The following GREB1L variants were observed in gnomAD, a reference collection of about 807,000 sequenced individuals.
GREB1L encodes GREB1-like protein.
In GREB1L, 17 loss-of-function variants were observed where a neutral mutation model predicts 200.8. That is an observed-to-expected ratio of 0.08 (90% CI 0.06 to 0.13). The LOEUF is 0.13. Among genes scored for constraint, GREB1L ranks in the 10% least tolerant of loss-of-function variants. The pLI is 1.00. For missense variants in GREB1L, 1,657 were observed against 2,367.7 expected (o/e 0.70, Z 6.23); for synonymous variants, 789 against 893.0 (o/e 0.88, Z 2.08).
intron 1 of GREB1L, among the ~76,000 whole-genome samples, chr18:21,338,730 C>T (rs2145123697): frequency 6.6e-6 from 1 of 152,330 alleles, no homozygotes; most frequent in Middle Eastern, 3.4e-3. Context: ...AGTTGTTTTT[C>T]AACTTAAGCC....
At chr18:21,521,029 C>T (rs1321037237) in intron 32 of GREB1L, among the ~76,000 whole-genome samples, 2 of 152,006 alleles carry the variant, frequency 1.3e-5, no homozygotes, top group African/African-American at 4.8e-5. Flanking sequence ...ACCGTCTCTA[C>T]TAAAAAATAC....
intron 1 of GREB1L, among the ~76,000 whole-genome samples, chr18:21,358,528 T>G (rs149483876): frequency 0.013 from 2,054 of 152,246 alleles, 22 homozygotes; most frequent in South Asian, 0.025. Context: ...TGTTAGCCAG[T>G]ATGGTCTTGA....
intron 1 of GREB1L, among the ~76,000 whole-genome samples, chr18:21,356,590 T>C (rs762193940): frequency 1.3e-5 from 2 of 152,208 alleles, no homozygotes; most frequent in Non-Finnish European, 2.9e-5. Flanking sequence ...ACACTTAAGT[T>C]GATTTCATAA....
intron 1 of GREB1L, among the ~76,000 whole-genome samples, chr18:21,333,092 A>G (rs544096182): frequency 9.7e-4 from 147 of 151,126 alleles, no homozygotes; most frequent in South Asian, 1.7e-3. Flanking sequence ...ATACACACAC[A>G]CGCGCGCGCG....
intron 1 of GREB1L, among the ~76,000 whole-genome samples, chr18:21,268,429 C>G (rs2038007387): frequency 6.7e-6 from 1 of 149,042 alleles, no homozygotes; most frequent in Non-Finnish European, 1.5e-5. Context: ...CCCTGTTCCT[C>G]TACAAAGTCA....
In GREB1L at chr18:21,403,927, A is replaced by G. The variant is rs373691186; in HGVS notation, c.765A>G (p.Ser255=). ...GCCACTCTATTAAGCCAAGCTCTTCAGTGTCGTCAACTGTGACCCCAGAAA... is the reference window on the plus strand; with the variant it reads ...GCCACTCTATTAAGCCAAGCTCTTCGGTGTCGTCAACTGTGACCCCAGAAA... ...ASCHSIKPSS[S]VSSTVTPENG... Residue 255 remains serine, a synonymous_variant, in exon 7 of 33, where the codon TCA becomes TCG. Coordinates refer to ENST00000424526, the MANE Select transcript of GREB1L (RefSeq NM_001142966.3). The G allele has an allele frequency of 4.5e-6, 7 of 1,551,124 alleles. No homozygotes were observed. The highest frequency in any genetic ancestry group is 2.4e-5 in the East Asian group (1 of 40,902).
At chr18:21,520,617 T>C in intron 31 of GREB1L, 71 bp from the exon 32 acceptor site, 1 of 1,473,772 alleles carries the variant, frequency 6.8e-7, no homozygotes, top group Non-Finnish European at 9.3e-7. Context: ...AGGTACTGAG[T>C]CATTCTGCTG....
intron 1 of GREB1L, among the ~76,000 whole-genome samples, chr18:21,242,837 A>G (rs1463042709): frequency 6.6e-6 from 1 of 152,056 alleles, no homozygotes; most frequent in Non-Finnish European, 1.5e-5. Flanking sequence ...CCCCGAGCCC[A>G]GGGGCAGTGA....
At chr18:21,288,017 A>C (rs576685287) in intron 1 of GREB1L, among the ~76,000 whole-genome samples, 7 of 151,966 alleles carry the variant, frequency 4.6e-5, no homozygotes, top group Admixed American at 1.3e-4. Flanking sequence ...GTTGGCCAGG[A>C]TGGTCTCTAT....
At chr18:21,402,081 T>C (rs546673505) in intron 6 of GREB1L, among the ~76,000 whole-genome samples, 1 of 152,348 alleles carries the variant, frequency 6.6e-6, no homozygotes, top group East Asian at 1.9e-4. Flanking sequence ...TAGTTATCTT[T>C]GAAGTAGCAT....
intron 7 of GREB1L, among the ~76,000 whole-genome samples, chr18:21,422,224 A>G (rs553932840): frequency 6.6e-6 from 1 of 152,294 alleles, no homozygotes; most frequent in East Asian, 1.9e-4. Context: ...TCACAGCCCC[A>G]TGGTTCAAAT....
chr18:21,342,980 C>T (rs2039289998), intron 1 of GREB1L, among the ~76,000 whole-genome samples: 1 of 152,100 alleles, frequency 6.6e-6, no homozygotes, highest in Non-Finnish European at 1.5e-5. Flanking sequence ...AACCAATTGG[C>T]ATTTTACCTT....
At chr18:21,281,792 G>C (rs1381583688) in intron 1 of GREB1L, among the ~76,000 whole-genome samples, 1 of 152,156 alleles carries the variant, frequency 6.6e-6, no homozygotes, top group Non-Finnish European at 1.5e-5. Flanking sequence ...CTTCAAACTG[G>C]ATTGTGGTAA....
chr18:21,307,494 A>G (rs1055309100), intron 1 of GREB1L, among the ~76,000 whole-genome samples: 11 of 152,208 alleles, frequency 7.2e-5, no homozygotes, highest in African/African-American at 2.4e-4. Flanking sequence ...ACAGAATAAG[A>G]GTTTAAAAGT....
intron 5 of GREB1L, among the ~76,000 whole-genome samples, chr18:21,397,009 G>A (rs551355714): frequency 2.0e-5 from 3 of 152,222 alleles, no homozygotes; most frequent in Admixed American, 2.0e-4. Flanking sequence ...TGATCATGAT[G>A]TGTATTTATT....
At chr18:21,347,196 T>G (rs2039359329) in intron 1 of GREB1L, among the ~76,000 whole-genome samples, 1 of 151,572 alleles carries the variant, frequency 6.6e-6, no homozygotes, top group Admixed American at 6.6e-5. Context: ...GAGAATTGCT[T>G]GAACCCAGGA....
rs574850108 is a variant in GREB1L at position 21,451,748 on chromosome 18, G to T, written c.1850-335G>T. On this transcript the variant is annotated intron_variant, in intron 13 of 32. Coordinates refer to ENST00000424526, the MANE Select transcript of GREB1L (RefSeq NM_001142966.3). ...GCCTCAAGCAATCCTCCTGTGCCTTGGCCTTCCAAAGTGCTGGGATTACAG... is the reference window on the plus strand; with the variant it reads ...GCCTCAAGCAATCCTCCTGTGCCTTTGCCTTCCAAAGTGCTGGGATTACAG... 2.6e-5 allele frequency among the ~76,000 whole-genome samples: 4 copies of T among 151,806 alleles called. No individual in the cohort carries two copies. In the East Asian group the frequency reaches 7.8e-4, roughly 30 times the overall value.
At position 21,496,558 on chromosome 18, in the gene GREB1L, T is replaced by C. The variant is rs534535995; in HGVS notation, c.3251T>C (p.Val1084Ala). ...GCATGCTGCTATGTCTCAAAAGAGG[T>C]CATCCGGGGACCCACTGTTGCCCTG... is the stretch of plus-strand genomic sequence containing the variant. ...GLACCYVSKE[V>A]IRGPTVALDL... The change falls in exon 21 of 33, where the codon GTC (valine) becomes GCC (alanine). Residue 1084 changes from valine to alanine, a missense_variant. Physicochemically the swap from Val to Ala is moderately conservative, Grantham distance 64. Transcript: ENST00000424526. 6.4e-7 allele frequency: 1 copy of C among 1,551,418 alleles called. No individual in the cohort carries two copies. Among genetic ancestry groups the C allele is most frequent in the African/African-American group, 1.4e-5 (1 of 72,976 alleles).
At chr18:21,247,483 C>G (rs1356050389) in intron 1 of GREB1L, among the ~76,000 whole-genome samples, 1 of 152,112 alleles carries the variant, frequency 6.6e-6, no homozygotes, top group Admixed American at 6.5e-5. Flanking sequence ...TGGTGCCAGT[C>G]TGCAGAAGCA....
Sources: gnomAD v4.1 joint callset for allele counts (sites outside exome capture counted in the v4.1 genomes callset) on GRCh38, gnomAD v4.1.1 for gene constraint, MANE v1.5 for transcripts, NCBI Gene and HGNC (gene_info 2026-07-23, HGNC 2026-07-21) for gene names.